ALG6: variants seen among roughly 807,000 people sequenced by gnomAD.
ALG6 encodes the protein dolichyl pyrophosphate Man9GlcNAc2 alpha-1,3-glucosyltransferase.
Under a neutral mutation model 66.6 loss-of-function variants are expected in ALG6, and 46 were observed. The observed-to-expected ratio is 0.69, with a 90% CI of 0.55 to 0.88. The LOEUF is 0.88. ALG6 is among the 40% of genes least tolerant of loss of function. ALG6 has a pLI of 0.00. For synonymous variants in ALG6, 185 were observed against 203.7 expected, an observed-to-expected ratio of 0.91 and a Z score of 0.78; for missense variants, 505 against 586.8, an observed-to-expected ratio of 0.86 and a Z score of 1.44.
intron 14 of ALG6, among the ~76,000 whole-genome samples, chr1:63,434,052 G>C (rs151228055): frequency 1.3e-5 from 2 of 152,298 alleles, no homozygotes; most frequent in African/African-American, 4.8e-5. Context: ...TTGGAGCTGG[G>C]TGAGGGAAAG....
intron 2 of ALG6, among the ~76,000 whole-genome samples, chr1:63,389,346 T>G (rs1032398192): frequency 8.5e-5 from 13 of 152,208 alleles, no homozygotes; most frequent in Non-Finnish European, 2.9e-5. Flanking sequence ...TTTCTTTTGC[T>G]TGATCAATTC....
chr1:63,435,881 G>C (rs184082459), intron 14 of ALG6, among the ~76,000 whole-genome samples: 1 of 152,194 alleles, frequency 6.6e-6, no homozygotes, highest in African/African-American at 2.4e-5. Context: ...TAGCACATTG[G>C]CCTAGAGAAG....
At chr1:63,428,494 G>T (rs1644628802) in intron 12 of ALG6, 1 of 349,368 alleles carries the variant, frequency 2.9e-6, no homozygotes, top group East Asian at 4.8e-5. Context: ...TCCATTAACG[G>T]CATACTGGAA....
intron 2 of ALG6, among the ~76,000 whole-genome samples, chr1:63,392,866 T>C (rs1283349890): frequency 2.0e-5 from 3 of 152,312 alleles, no homozygotes; most frequent in Middle Eastern, 3.4e-3. Context: ...AAAACTTAAG[T>C]ACTAATTTCA....
chr1:63,392,986 A>T (rs1382298926), intron 2 of ALG6, among the ~76,000 whole-genome samples: 3 of 152,240 alleles, frequency 2.0e-5, no homozygotes, highest in African/African-American at 7.2e-5. Flanking sequence ...GAGAATGGTA[A>T]TAAATTCTTC....
At position 63,406,347 on chromosome 1, in the gene ALG6, C is replaced by T. The variant is rs1425794381; in HGVS notation, c.377C>T (p.Pro126Leu). Residue 126 changes from proline (P) to leucine (L), a missense_variant, in exon 6 of 15, where the codon CCT becomes CTT. By Grantham distance (98) the Pro-to-Leu change is moderately conservative. Coordinates refer to ENST00000263440, the MANE Select transcript of ALG6 (RefSeq NM_013339.4). ...VLIADLLIYI[P>L]AVVLYCCCLK... is the part of the protein sequence containing the mutation. ...ATTGCTGATCTGCTGATTTACATACCTGCAGTGGTTTTGTACTGTTGTTGC... is the reference window on the plus strand; with the variant it reads ...ATTGCTGATCTGCTGATTTACATACTTGCAGTGGTTTTGTACTGTTGTTGC... The T allele has an allele frequency of 2.5e-6, 4 of 1,613,124 alleles. No homozygotes were observed. The highest frequency in any genetic ancestry group is 1.3e-5 in the African/African-American group (1 of 74,828).
chr1:63,434,097 G>A (rs185614126), intron 14 of ALG6, among the ~76,000 whole-genome samples: 2 of 152,300 alleles, frequency 1.3e-5, no homozygotes, highest in Non-Finnish European at 2.9e-5. Flanking sequence ...AGGTAACAGT[G>A]TAGTTTCTTA....
At chr1:63,431,067 T>C (rs957527260) in intron 14 of ALG6, among the ~76,000 whole-genome samples, 2 of 152,176 alleles carry the variant, frequency 1.3e-5, no homozygotes, top group East Asian at 3.9e-4. Flanking sequence ...TGGTGTGAGG[T>C]AGGAGTCTGA....
At chr1:63,375,369 C>T (rs1164387901) in intron 2 of ALG6, among the ~76,000 whole-genome samples, 2 of 150,080 alleles carry the variant, frequency 1.3e-5, no homozygotes, top group African/African-American at 2.5e-5. Flanking sequence ...CTCAGCTTCC[C>T]GAGTAGCTGG....
At chr1:63,410,071 A>G (rs763003217) in intron 7 of ALG6, among the ~76,000 whole-genome samples, 2 of 151,954 alleles carry the variant, frequency 1.3e-5, no homozygotes, top group Non-Finnish European at 2.9e-5. Flanking sequence ...GGTGTTTCCA[A>G]AGTTCTCTAG....
chr1:63,386,794 T>G (rs956906844), intron 2 of ALG6, among the ~76,000 whole-genome samples: 3 of 152,202 alleles, frequency 2.0e-5, no homozygotes, highest in Admixed American at 1.3e-4. Flanking sequence ...CTTCGTTTAT[T>G]TCTGCTCTGA....
chr1:63,413,477 C>CT (rs1344089516), intron 9 of ALG6, among the ~76,000 whole-genome samples: 1 of 152,148 alleles, frequency 6.6e-6, no homozygotes, highest in African/African-American at 2.4e-5. Context: ...GTGATAGTTA[C>CT]TTTTTTGATG....
intron 2 of ALG6, among the ~76,000 whole-genome samples, chr1:63,373,837 G>C (rs1476278099): frequency 1.3e-5 from 2 of 151,448 alleles, no homozygotes; most frequent in Admixed American, 6.6e-5. Context: ...GCCTAGGCTG[G>C]TCTTGAACTC....
At chr1:63,414,511 A>G (rs1644532461) in intron 10 of ALG6, among the ~76,000 whole-genome samples, 1 of 152,080 alleles carries the variant, frequency 6.6e-6, no homozygotes, top group Admixed American at 6.5e-5. Flanking sequence ...CGGCCTCCCA[A>G]AGTGCTGGGA....
rs1648778442 is a variant in ALG6 at position 63,395,040 on chromosome 1, A to AG, written c.83-1473_83-1472insG. On this transcript the variant is annotated intron_variant, in intron 2 of 14. Transcript: ENST00000263440. ...ACCACCATGCCCGGCTAATTTTTGT[A>AG]TTTTTAGTAGAGACAGGGTTTCACC... 4.6e-5 allele frequency among the ~76,000 whole-genome samples: 7 copies of AG among 151,468 alleles called. No individual in the cohort carries two copies. In the South Asian group the frequency reaches 1.5e-3, roughly 32 times the overall value.
At chr1:63,412,138 C>A in intron 9 of ALG6, 77 bp downstream of exon 9, 1 of 1,592,142 alleles carries the variant, frequency 6.3e-7, no homozygotes, top group South Asian at 1.1e-5. Flanking sequence ...GTAGAAGGTA[C>A]AAGGAATAGG....
In ALG6 at chr1:63,371,056, TCAGGTAATA is replaced by T. The variant is rs1424742651; in HGVS notation, c.82_82+8del. The T allele has an allele frequency of 6.3e-7, 1 of 1,599,876 alleles. No homozygotes were observed. The highest frequency in any genetic ancestry group is 8.6e-7 in the Non-Finnish European group (1 of 1,167,352). ...ATGGACAGTGTCTCTTAATTCTTAT[TCAGGTAATA>T]CATTTTTACTGGTTAAAAAAAAAAC... On this transcript the variant is annotated splice_donor_variant and splice_donor_5th_base_variant and coding_sequence_variant and intron_variant, in exon 2 of 15. Coordinates refer to ENST00000263440, the MANE Select transcript of ALG6 (RefSeq NM_013339.4). LOFTEE classifies it high-confidence loss of function.
chr1:63,435,802 A>G (rs1644675605), intron 14 of ALG6, among the ~76,000 whole-genome samples: 1 of 152,184 alleles, frequency 6.6e-6, no homozygotes, highest in Non-Finnish European at 1.5e-5. Flanking sequence ...CAATAGCCAC[A>G]TGTGGTTAGC....
chr1:63,397,361 G>C (rs1311177117), intron 3 of ALG6, among the ~76,000 whole-genome samples: 1 of 151,750 alleles, frequency 6.6e-6, no homozygotes, highest in Non-Finnish European at 1.5e-5. Context: ...AATTTTTGTA[G>C]TTTTTAGTAG....
Sources: allele counts gnomAD v4.1 joint callset (sites outside exome capture counted in the v4.1 genomes callset), GRCh38; gene constraint gnomAD v4.1.1; transcripts MANE v1.5; gene names NCBI Gene and HGNC (gene_info 2026-07-23, HGNC 2026-07-21).